The following CIT variants were observed in gnomAD, a reference collection of about 807,000 sequenced individuals.
The protein encoded by CIT is citron Rho-interacting kinase.
In CIT, 79 loss-of-function variants were observed where a neutral mutation model predicts 272.7. That is an observed-to-expected ratio of 0.29 (90% CI 0.24 to 0.35). The LOEUF is 0.35. Ranked by LOEUF, CIT falls within the 10% of genes least tolerant of loss-of-function variation. The probability of loss-of-function intolerance (pLI) is 1.00; values close to 1 mark genes in which losing one functional copy is unlikely to be tolerated. For missense variants in CIT, 1,909 were observed against 2,618.3 expected, an observed-to-expected ratio of 0.73 and a Z score of 5.91; for synonymous variants, 948 against 995.6, an observed-to-expected ratio of 0.95 and a Z score of 0.90.
intron 10 of CIT, among the ~76,000 whole-genome samples, chr12:119,792,515 G>A (rs1389494541): frequency 6.6e-6 from 1 of 152,068 alleles, no homozygotes; most frequent in African/African-American, 2.4e-5. Context: ...CTGTCACCAG[G>A]CTGGAGTGCA....
intron 10 of CIT, among the ~76,000 whole-genome samples, chr12:119,788,009 G>A (rs557782821): frequency 1.3e-5 from 2 of 152,170 alleles, no homozygotes; most frequent in Non-Finnish European, 2.9e-5. Context: ...TTCATAAATA[G>A]TACATGCCTC....
At position 119,718,476 on chromosome 12, in the gene CIT, T is replaced by A. The variant is rs558080951; in HGVS notation, c.4004-67A>T. ...GCCTAGAGGACCAAACTAAGCCGAA[T>A]GTCCCTGGGCTATCTTTCAAGGACC... On this transcript the variant is annotated intron_variant, in intron 31 of 47. Coordinates refer to ENST00000392521, the MANE Select transcript of CIT (RefSeq NM_001206999.2). The surrounding 1 kb of genome is among the most constrained non-coding windows in gnomAD (Gnocchi z 4.8). The A allele has an allele frequency of 6.5e-7, 1 of 1,541,990 alleles. No homozygotes were observed. The highest frequency in any genetic ancestry group is 2.3e-5 in the East Asian group (1 of 44,216).
At chr12:119,696,612 G>A (rs376685292) in intron 46 of CIT, among the ~76,000 whole-genome samples, 4 of 152,120 alleles carry the variant, frequency 2.6e-5, no homozygotes, top group Non-Finnish European at 4.4e-5. Context: ...GGCAACCTCC[G>A]CCTCAAGGGC....
intron 3 of CIT, among the ~76,000 whole-genome samples, chr12:119,862,143 G>A (rs920067050): frequency 1.3e-5 from 2 of 152,052 alleles, no homozygotes; most frequent in Non-Finnish European, 2.9e-5. Context: ...TGGAACTACA[G>A]GTGCCCACCA....
intron 16 of CIT, among the ~76,000 whole-genome samples, chr12:119,773,338 TCTC>T (rs1327865914): frequency 6.6e-6 from 1 of 152,228 alleles, no homozygotes; most frequent in South Asian, 2.1e-4. Context: ...GCATTAATTT[TCTC>T]CTTATTTTAA....
chr12:119,758,367 T>C (rs964251308), intron 21 of CIT, among the ~76,000 whole-genome samples: 8 of 152,168 alleles, frequency 5.3e-5, no homozygotes, highest in African/African-American at 1.9e-4. Flanking sequence ...CAAAACACTC[T>C]GTAATGTGAT....
intron 24 of CIT, among the ~76,000 whole-genome samples, chr12:119,739,757 A>T (rs1371555079): frequency 6.6e-6 from 1 of 152,158 alleles, no homozygotes; most frequent in Non-Finnish European, 1.5e-5. Flanking sequence ...TTCTCGCAGC[A>T]ACCTTATGAG....
At chr12:119,851,063 CACGGGTGTGA>C (rs1970195011) in intron 4 of CIT, among the ~76,000 whole-genome samples, 1 of 152,142 alleles carries the variant, frequency 6.6e-6, no homozygotes. Context: ...GAACTGGGGG[CACGGGTGTGA>C]ACTCATGGTT....
chr12:119,728,590 T>C lies in CIT; in HGVS notation c.3503A>G (p.Lys1168Arg). 1 of 1,611,528 alleles carries C rather than the reference T, an allele frequency of 6.2e-7. No individual in the cohort carries two copies. The highest frequency in any genetic ancestry group is 1.1e-5 in the South Asian group (1 of 90,822). ...SLSDKLNDLE[K>R]KHAMLEMNAR... ...ATTCATTTCAAGCATAGCATGCTTC[T>C]TCTCCAGGTCATTGAGCTAGACATT... is the stretch of plus-strand genomic sequence containing the variant. The change falls in exon 28 of 48, where the codon AAG (lysine) becomes AGG (arginine). Residue 1168 changes from lysine to arginine, a missense_variant. Lys to Arg is a conservative substitution (Grantham distance 26). Around this residue, in one of 8 missense-constraint regions of CIT, gnomAD observed 530 missense variants for 822.4 expected, o/e 0.64. Coordinates refer to ENST00000392521, the MANE Select transcript of CIT (RefSeq NM_001206999.2). The surrounding 1 kb of genome is among the most constrained non-coding windows in gnomAD (Gnocchi z 4.3).
chr12:119,825,302 C>T lies in CIT; in HGVS notation c.820G>A (p.Gly274Arg), dbSNP rs1407567832. The T allele has an allele frequency of 1.1e-5, 17 of 1,613,994 alleles. No individual in the cohort carries two copies. In the South Asian group the frequency reaches 1.1e-4, roughly 10 times the overall value. ...MAPEVLTVMN[G>R]DGKGTYGLDC... Reference sequence around the variant, plus strand: ...AGGCCGTAGGTGCCTTTTCCATCCCCGTTCATCACAGTCAGCACTTCAGGA... The same window carrying T: ...AGGCCGTAGGTGCCTTTTCCATCCCTGTTCATCACAGTCAGCACTTCAGGA... The change falls in exon 8 of 48, where the codon GGG becomes AGG. Residue 274 changes from glycine to arginine, a missense_variant. Physicochemically the swap from Gly to Arg is moderately radical, Grantham distance 125 (BLOSUM62 -2). Around this residue, in one of 8 missense-constraint regions of CIT, gnomAD observed 529 missense variants for 549.6 expected, o/e 0.96. Transcript: ENST00000392521.
At chr12:119,783,042 T>C (rs1314323017) in intron 12 of CIT, 2 of 156,066 alleles carry the variant, frequency 1.3e-5, no homozygotes, top group African/African-American at 4.8e-5. Context: ...AAAGTAGCAA[T>C]GACTTCATAT....
intron 2 of CIT, among the ~76,000 whole-genome samples, chr12:119,869,923 G>C (rs562843196): frequency 2.6e-5 from 4 of 152,306 alleles, no homozygotes; most frequent in Middle Eastern, 3.4e-3. Flanking sequence ...CCTCCCGGTA[G>C]CAGATGTGTT....
chr12:119,759,843 G>A (rs1482812966), intron 20 of CIT, among the ~76,000 whole-genome samples: 2 of 152,026 alleles, frequency 1.3e-5, no homozygotes, highest in Admixed American at 1.3e-4. Flanking sequence ...AAGAATTGGG[G>A]TGTGGGGGTA....
intron 10 of CIT, among the ~76,000 whole-genome samples, chr12:119,786,367 A>G (rs1964798966): frequency 6.6e-6 from 1 of 152,176 alleles, no homozygotes; most frequent in Non-Finnish European, 1.5e-5. Context: ...ACACTCATCT[A>G]TGTAACTCAT....
chr12:119,873,424 C>G (rs556028368), intron 2 of CIT, among the ~76,000 whole-genome samples: 1 of 152,022 alleles, frequency 6.6e-6, no homozygotes, highest in Non-Finnish European at 1.5e-5. Flanking sequence ...ACTACAGGCA[C>G]ACACCATCAC....
intron 2 of CIT, among the ~76,000 whole-genome samples, chr12:119,872,369 G>A (rs1012226497): frequency 6.6e-5 from 10 of 152,146 alleles, no homozygotes; most frequent in African/African-American, 2.2e-4. Flanking sequence ...AAGTAAAAAA[G>A]ACAAAATGAC....
chr12:119,738,370 T>C (rs1896284707), intron 24 of CIT, among the ~76,000 whole-genome samples: 2 of 152,316 alleles, frequency 1.3e-5, no homozygotes, highest in African/African-American at 4.8e-5. Flanking sequence ...GGGTATATTC[T>C]CTACCCACCA....
Position 119,701,843 on chromosome 12 carries a change from G to A in CIT, c.5413+7C>T. On this transcript the variant is annotated splice_region_variant and intron_variant, in intron 42 of 47. Coordinates refer to ENST00000392521, the MANE Select transcript of CIT (RefSeq NM_001206999.2). ...TGGGTGGGTGCGAAAGTGGAGGTGG[G>A]TCCTACCCTCGAGCGTGTACTGCTT... 3 of 1,613,924 alleles carry A rather than the reference G, an allele frequency of 1.9e-6. No homozygotes were observed. Among genetic ancestry groups the A allele is most frequent in the Non-Finnish European group, 2.5e-6 (3 of 1,179,780 alleles).
chr12:119,748,748 A>T (rs1292090034), intron 23 of CIT, among the ~76,000 whole-genome samples: 2 of 152,214 alleles, frequency 1.3e-5, no homozygotes, highest in Non-Finnish European at 2.9e-5. Flanking sequence ...TCAACTCTTG[A>T]TTATTCAACA....
Sources: allele counts gnomAD v4.1 joint callset (sites outside exome capture counted in the v4.1 genomes callset), GRCh38; gene constraint gnomAD v4.1.1; regional missense constraint gnomAD v4.1.1; non-coding constraint Gnocchi (gnomAD v3.1); transcripts MANE v1.5; gene names NCBI Gene and HGNC (gene_info 2026-07-23, HGNC 2026-07-21).